Variants in CFAP43 observed in about 807,000 individuals in gnomAD.
The protein encoded by CFAP43 is cilia- and flagella-associated protein 43.
Under a neutral mutation model 218.9 loss-of-function variants are expected in CFAP43, and 155 were observed. The observed-to-expected ratio is 0.71, with a 90% CI of 0.62 to 0.81. The LOEUF is 0.81. Ranked by LOEUF, CFAP43 falls within the 30% of genes least tolerant of loss-of-function variation. The pLI is 0.00. For synonymous variants in CFAP43, 645 were observed against 681.3 expected (o/e 0.95, Z 0.83); for missense variants, 1,778 against 1,954.3 (o/e 0.91, Z 1.70).
At chr10:104,152,482 G>A (rs1480109981) in intron 28 of CFAP43, 125 bp downstream of exon 28, 2 of 1,332,570 alleles carry the variant, frequency 1.5e-6, no homozygotes, top group African/African-American at 1.5e-5. Context: ...TGAGACTGGA[G>A]AGGGACGCAG....
Position 104,130,079 on chromosome 10 carries a change from A to G in CFAP43, c.*60T>C. 1 of 1,505,352 alleles carries G rather than the reference A, an allele frequency of 6.6e-7. No homozygotes were observed. Among genetic ancestry groups the G allele is most frequent in the African/African-American group, 1.4e-5 (1 of 70,952 alleles). 93.2% of individuals were successfully genotyped at this position (1,505,352 alleles called of 1,614,324 possible). ...GTAAGAAAGAAAAGGAAATCATTTT[A>G]CCCAAATGAAATGATTTTTTAAATG... On this transcript the variant is annotated 3_prime_UTR_variant, in exon 38 of 38. Transcript: ENST00000357060.
chr10:104,185,981 T>A lies in CFAP43; in HGVS notation c.2003A>T (p.Tyr668Phe). Residue 668 changes from tyrosine to phenylalanine, a missense_variant, in exon 15 of 38, where the codon TAT becomes TTT. Tyr to Phe is a conservative substitution (Grantham distance 22). Coordinates refer to ENST00000357060, the MANE Select transcript of CFAP43 (RefSeq NM_025145.7). ...TTTAAGAAAGCAGCTTACCAAAGTA[T>A]AAACGTCTCGGATACACAGAATTCC... ...KCGILCIRDV[Y>F]TLETFAWCRS... The A allele has an allele frequency of 6.2e-7, 1 of 1,611,760 alleles. No individual in the cohort carries two copies. Among genetic ancestry groups the A allele is most frequent in the Non-Finnish European group, 8.5e-7 (1 of 1,179,364 alleles).
At chr10:104,175,285 C>T (rs1466027457) in intron 19 of CFAP43, among the ~76,000 whole-genome samples, 1 of 151,866 alleles carries the variant, frequency 6.6e-6, no homozygotes, top group Non-Finnish European at 1.5e-5. Context: ...ATTACTTGGG[C>T]GTGGTGGTGC....
chr10:104,143,643 G>T lies in CFAP43; in HGVS notation c.3945-4C>A. Reference sequence around the variant, plus strand: ...GTGCGTTTTCTGTTTGGAAATCCTGGTATTACCAAGAAAAGCCCATCAACA... The same window carrying T: ...GTGCGTTTTCTGTTTGGAAATCCTGTTATTACCAAGAAAAGCCCATCAACA... On this transcript the variant is annotated splice_region_variant and splice_polypyrimidine_tract_variant and intron_variant, in intron 31 of 37. Coordinates refer to ENST00000357060, the MANE Select transcript of CFAP43 (RefSeq NM_025145.7). 6.2e-7 allele frequency: 1 copy of T among 1,613,746 alleles called. No homozygotes were observed. The highest frequency in any genetic ancestry group is 8.5e-7 in the Non-Finnish European group (1 of 1,179,852).
At chr10:104,148,474 T>A (rs1389942883) in intron 28 of CFAP43, among the ~76,000 whole-genome samples, 2 of 152,192 alleles carry the variant, frequency 1.3e-5, no homozygotes, top group African/African-American at 4.8e-5. Context: ...TGAAACGTGA[T>A]CCCTGGTGCT....
At position 104,200,853 on chromosome 10, in the gene CFAP43, G is replaced by C. The variant is rs143494574; in HGVS notation, c.1096-2815C>G. 4.6e-5 allele frequency among the ~76,000 whole-genome samples: 7 copies of C among 152,172 alleles called. No homozygotes were observed. The East Asian group carries it at 1.4e-3, about 29-fold the overall frequency. On this transcript the variant is annotated intron_variant, in intron 8 of 37. Coordinates refer to ENST00000357060, the MANE Select transcript of CFAP43 (RefSeq NM_025145.7). ...AGTGTGGCTGGAGCAGGATGGACAA[G>C]AGTTCACAGTAGTAGCAGATAAGGC... is the stretch of plus-strand genomic sequence containing the variant.
chr10:104,191,877 A>C (rs1382924071), intron 12 of CFAP43, among the ~76,000 whole-genome samples: 1 of 152,154 alleles, frequency 6.6e-6, no homozygotes, highest in Non-Finnish European at 1.5e-5. Flanking sequence ...AATATTAAAA[A>C]ATATTTTCAA....
chr10:104,207,864 C>CA (rs749279114), intron 5 of CFAP43, 40 bp from the exon 6 acceptor site: 52 of 1,577,100 alleles, frequency 3.3e-5, no homozygotes, highest in Non-Finnish European at 4.2e-5. Flanking sequence ...AGAAAACAAT[C>CA]ACGGCTAAAA....
rs1234157834 is a variant in CFAP43, at chr10:104,129,935, T to G, written c.*204A>C. On this transcript the variant is annotated 3_prime_UTR_variant, in exon 38 of 38. Transcript: ENST00000357060. ...TTTATTCTTGAATAAAAACAGCAAT[T>G]CATGGTATTTTACACATTTATTCAT... 1 of 490,182 alleles carries G rather than the reference T, an allele frequency of 2.0e-6. No homozygotes were observed. The highest frequency in any genetic ancestry group is 2.0e-5 in the African/African-American group (1 of 49,314). 30.4% of individuals were successfully genotyped at this position (490,182 alleles called of 1,614,324 possible). A position where few individuals can be genotyped will look rare whatever the true frequency, so the allele number is the denominator to read the frequency against.
At chr10:104,216,812 T>C (rs1398278771) in intron 3 of CFAP43, among the ~76,000 whole-genome samples, 6 of 151,934 alleles carry the variant, frequency 3.9e-5, no homozygotes, top group African/African-American at 1.5e-4. Context: ...TGCCCTGGGA[T>C]CACACACCCT....
chr10:104,142,357 T>C lies in CFAP43; in HGVS notation c.4195A>G (p.Thr1399Ala), dbSNP rs1479665716. The C allele has an allele frequency of 1.9e-6, 3 of 1,613,408 alleles. No individual in the cohort carries two copies. The Admixed American group carries it at 5.0e-5, about 27-fold the overall frequency. ...TCCTCAACTCTCTTCTGGAGGAAAG[T>C]TGCCATTTCCAATAAGTCAGCTGCT... ...QKAADLLEMATFLQKRVEEEE... is the reference protein window; with the variant it reads ...QKAADLLEMAAFLQKRVEEEE... Residue 1399 changes from threonine to alanine, a missense_variant, in exon 33 of 38, where the codon ACT (threonine) becomes GCT (alanine). Around this residue, in one of 3 missense-constraint regions of CFAP43, gnomAD observed 1,553 missense variants for 1,685.2 expected, o/e 0.92. Coordinates refer to ENST00000357060, the MANE Select transcript of CFAP43 (RefSeq NM_025145.7).
intron 28 of CFAP43, among the ~76,000 whole-genome samples, chr10:104,150,836 G>A (rs753339391): frequency 8.7e-4 from 132 of 151,988 alleles, no homozygotes; most frequent in Non-Finnish European, 1.2e-3. Context: ...TTTGTCACCA[G>A]GTACTAAGCC....
chr10:104,136,176 G>A (rs1410106219), intron 34 of CFAP43, among the ~76,000 whole-genome samples: 4 of 149,030 alleles, frequency 2.7e-5, no homozygotes, highest in Admixed American at 1.3e-4. Context: ...GCTTGAATCC[G>A]GGACATGGAG....
intron 26 of CFAP43, among the ~76,000 whole-genome samples, chr10:104,161,394 C>G (rs776810890): frequency 9.9e-5 from 15 of 152,116 alleles, no homozygotes; most frequent in Non-Finnish European, 1.6e-4. Context: ...AGGTGATAGA[C>G]TCAGAGGGGT....
At chr10:104,198,340 T>C (rs988025216) in intron 8 of CFAP43, among the ~76,000 whole-genome samples, 1 of 152,252 alleles carries the variant, frequency 6.6e-6, no homozygotes, top group Admixed American at 6.5e-5. Flanking sequence ...TGGAGTGCAA[T>C]GGCACAATCT....
intron 34 of CFAP43, among the ~76,000 whole-genome samples, chr10:104,134,575 A>G (rs1319721127): frequency 6.6e-6 from 1 of 152,196 alleles, no homozygotes; most frequent in East Asian, 1.9e-4. Context: ...TACAGAAATT[A>G]AAAGGATTAT....
intron 3 of CFAP43, 142 bp downstream of exon 3, chr10:104,225,319 T>C (rs2091280875): frequency 1.5e-6 from 1 of 681,458 alleles, no homozygotes; most frequent in Non-Finnish European, 2.4e-6. Context: ...ATAGCAACTG[T>C]ATTAAAACTT....
chr10:104,161,509 C>G (rs1226257414), intron 26 of CFAP43, among the ~76,000 whole-genome samples: 3 of 152,166 alleles, frequency 2.0e-5, no homozygotes, highest in Non-Finnish European at 4.4e-5. Context: ...ACTGATGAAA[C>G]AGTATTCCTG....
chr10:104,218,010 G>A lies in CFAP43; in HGVS notation c.417-3584C>T, dbSNP rs117346201. 5.0e-4 allele frequency among the ~76,000 whole-genome samples: 76 copies of A among 152,270 alleles called. 2 individuals are homozygous for A. The East Asian group carries it at 0.012, about 24-fold the overall frequency. On this transcript the variant is annotated intron_variant, in intron 3 of 37. Coordinates refer to ENST00000357060, the MANE Select transcript of CFAP43 (RefSeq NM_025145.7). ...AACTGCTTAGACAACACTTGCTTGC[G>A]CCGTAAATACATATGGCAACACCTG...
Sources: gnomAD v4.1 joint callset for allele counts (sites outside exome capture counted in the v4.1 genomes callset) on GRCh38, gnomAD v4.1.1 for gene constraint, gnomAD v4.1.1 regional missense constraint, MANE v1.5 for transcripts, NCBI Gene and HGNC (gene_info 2026-07-23, HGNC 2026-07-21) for gene names.